The following CNTN3 variants were observed in gnomAD, a reference collection of about 807,000 sequenced individuals.
The protein encoded by CNTN3 is contactin-3.
CNTN3 carries 60 observed loss-of-function variants against 119.1 expected under a neutral mutation model. The observed-to-expected ratio is 0.50, with a 90% CI of 0.41 to 0.62. The LOEUF is 0.62. CNTN3 is among the 20% of genes least tolerant of loss of function. CNTN3 has a pLI of 0.00. For synonymous variants in CNTN3, 450 were observed against 438.7 expected (o/e 1.03, Z -0.32); for missense variants, 1,101 against 1,242.4 (o/e 0.89, Z 1.71).
At chr3:74,372,448 G>A (rs183313206) in intron 5 of CNTN3, among the ~76,000 whole-genome samples, 12 of 152,108 alleles carry the variant, frequency 7.9e-5, no homozygotes, top group Non-Finnish European at 8.8e-5. Context: ...TGGAGGCCCA[G>A]GTTGTTCAGT....
At chr3:74,543,977 T>G (rs1380053192) in intron 1 of CNTN3, among the ~76,000 whole-genome samples, 4 of 152,200 alleles carry the variant, frequency 2.6e-5, no homozygotes, top group Non-Finnish European at 5.9e-5. Context: ...TTCTCAAAAA[T>G]AGTTTTTAAT....
chr3:74,399,149 CTTTTA>C (rs995530520), intron 5 of CNTN3, among the ~76,000 whole-genome samples: 7 of 151,708 alleles, frequency 4.6e-5, no homozygotes, highest in South Asian at 2.1e-4. Context: ...TTATTTTTAA[CTTTTA>C]TTTTAAGTTC....
At chr3:74,360,748 C>T (rs1446224442) in intron 11 of CNTN3, among the ~76,000 whole-genome samples, 1 of 152,138 alleles carries the variant, frequency 6.6e-6, no homozygotes, top group Non-Finnish European at 1.5e-5. Context: ...TTCTTTACTG[C>T]TGGCCCCTTC....
At chr3:74,499,146 G>A (rs965811499) in intron 3 of CNTN3, among the ~76,000 whole-genome samples, 10 of 151,320 alleles carry the variant, frequency 6.6e-5, no homozygotes, top group Non-Finnish European at 1.2e-4. Flanking sequence ...TAAAAATATA[G>A]ACTTTAACTT....
At chr3:74,473,240 G>T (rs1438283124) in intron 4 of CNTN3, among the ~76,000 whole-genome samples, 3 of 151,220 alleles carry the variant, frequency 2.0e-5, no homozygotes, top group Non-Finnish European at 4.4e-5. Context: ...CTGATTAGAT[G>T]CTATCTTATA....
intron 10 of CNTN3, among the ~76,000 whole-genome samples, chr3:74,363,733 T>G (rs1479386918): frequency 2.0e-5 from 3 of 152,096 alleles, no homozygotes; most frequent in Non-Finnish European, 4.4e-5. Context: ...CTGATAATAG[T>G]GATGATATTT....
In CNTN3 at chr3:74,596,561, A is replaced by G. The variant is rs554011817; in HGVS notation, c.-81+17830T>C. Among the ~76,000 whole-genome samples, 3 of 152,280 alleles carry G rather than the reference A, an allele frequency of 2.0e-5. No individual in the cohort carries two copies. In the South Asian group the frequency reaches 6.2e-4, roughly 32 times the overall value. ...ATCTACAACTATCTGATCTTTGACAAACCTGAGAAAAACAAGAAACAGGGA... is the reference window on the plus strand; with the variant it reads ...ATCTACAACTATCTGATCTTTGACAGACCTGAGAAAAACAAGAAACAGGGA... On this transcript the variant is annotated intron_variant, in intron 1 of 22. Transcript: ENST00000263665.
At chr3:74,280,822 G>C (rs1701990657) in intron 20 of CNTN3, among the ~76,000 whole-genome samples, 1 of 152,188 alleles carries the variant, frequency 6.6e-6, no homozygotes, top group Non-Finnish European at 1.5e-5. Context: ...GTGATGAAGT[G>C]AGTAGCCATG....
intron 5 of CNTN3, among the ~76,000 whole-genome samples, chr3:74,418,954 A>G (rs1701573753): frequency 6.7e-6 from 1 of 150,170 alleles, no homozygotes; most frequent in Admixed American, 6.6e-5. Context: ...CCATGCCTGG[A>G]TAATTTTTTT....
At chr3:74,523,359 T>C (rs921142192) in intron 1 of CNTN3, among the ~76,000 whole-genome samples, 1 of 151,846 alleles carries the variant, frequency 6.6e-6, no homozygotes, top group Non-Finnish European at 1.5e-5. Context: ...TAAAATACAA[T>C]GCTAACTAGT....
chr3:74,421,261 C>T (rs531793850), intron 5 of CNTN3, among the ~76,000 whole-genome samples: 2 of 151,974 alleles, frequency 1.3e-5, no homozygotes, highest in African/African-American at 2.4e-5. Context: ...CTCCACCTCC[C>T]GAGCTCAAGC....
chr3:74,302,657 A>G, intron 14 of CNTN3, 33 bp downstream of exon 14: 3 of 1,265,052 alleles, frequency 2.4e-6, no homozygotes, highest in East Asian at 2.3e-5. Flanking sequence ...TAAGATGTGA[A>G]GTGACAAACT....
At chr3:74,588,867 A>G (rs1704647623) in intron 1 of CNTN3, among the ~76,000 whole-genome samples, 1 of 152,164 alleles carries the variant, frequency 6.6e-6, no homozygotes, top group Non-Finnish European at 1.5e-5. Flanking sequence ...AGGATTCCCT[A>G]TTTAATAAAT....
intron 3 of CNTN3, among the ~76,000 whole-genome samples, chr3:74,491,391 T>C (rs1001929088): frequency 1.3e-5 from 2 of 152,132 alleles, no homozygotes; most frequent in South Asian, 2.1e-4. Flanking sequence ...TAGTCCCAGC[T>C]ACTCGGGAGA....
chr3:74,587,830 T>C (rs894917857), intron 1 of CNTN3, among the ~76,000 whole-genome samples: 11 of 152,130 alleles, frequency 7.2e-5, no homozygotes, highest in African/African-American at 7.2e-5. Context: ...TCCAACACTA[T>C]GTTGAATAGG....
chr3:74,335,494 T>G (rs1024187436), intron 12 of CNTN3, among the ~76,000 whole-genome samples: 1 of 152,130 alleles, frequency 6.6e-6, no homozygotes, highest in Non-Finnish European at 1.5e-5. Flanking sequence ...TATCATGAAT[T>G]AAAATTCTCT....
At chr3:74,536,862 T>C (rs1405657460) in intron 1 of CNTN3, among the ~76,000 whole-genome samples, 2 of 152,070 alleles carry the variant, frequency 1.3e-5, no homozygotes, top group Admixed American at 6.6e-5. Flanking sequence ...AAGAACCAGG[T>C]AGGCCTTATA....
intron 1 of CNTN3, among the ~76,000 whole-genome samples, chr3:74,559,318 G>C (rs1704117737): frequency 6.6e-6 from 1 of 152,106 alleles, no homozygotes. Flanking sequence ...TTGCATCAGT[G>C]GTTTTTCGGT....
chr3:74,266,756 A>C (rs1701669263), intron 21 of CNTN3, 107 bp from the exon 22 acceptor site: 1 of 917,276 alleles, frequency 1.1e-6, no homozygotes, highest in Middle Eastern at 3.2e-4. Flanking sequence ...TATATCCACT[A>C]GAATGTAAGT....
Sources: gnomAD v4.1 joint callset for allele counts (sites outside exome capture counted in the v4.1 genomes callset) on GRCh38, gnomAD v4.1.1 for gene constraint, MANE v1.5 for transcripts, NCBI Gene and HGNC (gene_info 2026-07-23, HGNC 2026-07-21) for gene names.